The following ELP3 variants were observed in gnomAD, a reference collection of about 807,000 sequenced individuals.
ELP3 encodes the protein elongator complex protein 3.
ELP3 carries 56 observed loss-of-function variants against 74.9 expected under a neutral mutation model. The observed-to-expected ratio is 0.75, with a 90% CI of 0.60 to 0.93. ELP3 has a LOEUF of 0.93. Ranked by LOEUF, ELP3 falls within the 40% of genes least tolerant of loss-of-function variation. The pLI, the probability that ELP3 is intolerant of heterozygous loss-of-function variation, is 0.00. For missense variants in ELP3, 573 were observed against 686.5 expected, an observed-to-expected ratio of 0.83 and a Z score of 1.85; for synonymous variants, 222 against 239.8, an observed-to-expected ratio of 0.93 and a Z score of 0.68.
At chr8:28,165,443 T>G (rs887602895) in intron 14 of ELP3, among the ~76,000 whole-genome samples, 8 of 152,218 alleles carry the variant, frequency 5.3e-5, no homozygotes, top group Non-Finnish European at 1.2e-4. Context: ...TGATACTGTT[T>G]GACCTAAGTG....
At chr8:28,105,515 G>A (rs1811653897) in intron 3 of ELP3, among the ~76,000 whole-genome samples, 1 of 152,220 alleles carries the variant, frequency 6.6e-6, no homozygotes, top group Non-Finnish European at 1.5e-5. Flanking sequence ...TAGATACTAA[G>A]ACCTGGGTCC....
chr8:28,181,028 T>C (rs1315258310), intron 14 of ELP3, among the ~76,000 whole-genome samples: 4 of 152,152 alleles, frequency 2.6e-5, no homozygotes, highest in African/African-American at 9.7e-5. Context: ...ACGCCCCCAG[T>C]ATCTCACGTG....
chr8:28,149,368 C>CTTATTCA (rs1430759313), intron 10 of ELP3, among the ~76,000 whole-genome samples: 1 of 152,192 alleles, frequency 6.6e-6, no homozygotes, highest in Non-Finnish European at 1.5e-5. Flanking sequence ...GTGATAGAGT[C>CTTATTCA]TTATTCAGAT....
At chr8:28,107,127 A>G (rs780755636) in intron 4 of ELP3, among the ~76,000 whole-genome samples, 9 of 152,198 alleles carry the variant, frequency 5.9e-5, no homozygotes, top group Non-Finnish European at 1.2e-4. Flanking sequence ...ATGCGCTTCT[A>G]GTCCCAGCTA....
At chr8:28,145,522 G>A (rs1418064900) in intron 10 of ELP3, among the ~76,000 whole-genome samples, 1 of 152,208 alleles carries the variant, frequency 6.6e-6, no homozygotes, top group Non-Finnish European at 1.5e-5. Context: ...AATCTGCATA[G>A]CCTCCATGGA....
chr8:28,129,731 C>T, intron 8 of ELP3, 68 bp downstream of exon 8: 1 of 1,578,514 alleles, frequency 6.3e-7, no homozygotes, highest in Non-Finnish European at 8.7e-7. Flanking sequence ...ACATTCATAC[C>T]CAGCCTTTCT....
chr8:28,117,003 A>G (rs1205129010), intron 7 of ELP3, among the ~76,000 whole-genome samples: 8 of 152,168 alleles, frequency 5.3e-5, no homozygotes, highest in Admixed American at 4.6e-4. Context: ...ATTCCCTGGC[A>G]GGGACATCTA....
intron 10 of ELP3, among the ~76,000 whole-genome samples, chr8:28,150,542 T>A (rs1473849885): frequency 1.3e-5 from 2 of 152,158 alleles, no homozygotes; most frequent in Non-Finnish European, 2.9e-5. Context: ...TTCACTGTAC[T>A]CTCTTCTTGC....
chr8:28,142,843 C>G (rs973229990), intron 10 of ELP3, among the ~76,000 whole-genome samples: 7 of 152,152 alleles, frequency 4.6e-5, no homozygotes, highest in Non-Finnish European at 1.0e-4. Context: ...TTTGTTGTCA[C>G]ACACGTTTCT....
chr8:28,135,635 C>G (rs915320272), intron 9 of ELP3, among the ~76,000 whole-genome samples: 1 of 152,130 alleles, frequency 6.6e-6, no homozygotes, highest in African/African-American at 2.4e-5. Context: ...TCTGCCTGTT[C>G]GGGAAAGGCT....
At chr8:28,107,835 G>A in intron 4 of ELP3, 78 bp from the exon 5 acceptor site, 1 of 1,094,196 alleles carries the variant, frequency 9.1e-7, no homozygotes, top group East Asian at 2.4e-5. Context: ...GGATTCTTTG[G>A]AGATGGTAGA....
chr8:28,160,204 T>C, intron 12 of ELP3, 25 bp from the exon 13 acceptor site: 1 of 1,591,236 alleles, frequency 6.3e-7, no homozygotes. Flanking sequence ...TTGAATAATA[T>C]TTTTTGTGGC....
At chr8:28,134,018 A>G (rs1451260745) in intron 9 of ELP3, among the ~76,000 whole-genome samples, 2 of 152,164 alleles carry the variant, frequency 1.3e-5, no homozygotes, top group Admixed American at 6.5e-5. Flanking sequence ...GGTTTGTTAC[A>G]TAGGTATACA....
intron 7 of ELP3, among the ~76,000 whole-genome samples, chr8:28,119,570 TTTTATATATA>T (rs1812273230): frequency 1.1e-5 from 1 of 92,108 alleles, no homozygotes; most frequent in Non-Finnish European, 2.1e-5. Flanking sequence ...ACTTGTGGCG[TTTTATATATA>T]TATATATATA....
At chr8:28,110,317 A>G in intron 5 of ELP3, 53 bp from the exon 6 acceptor site, 5 of 1,485,312 alleles carry the variant, frequency 3.4e-6, no homozygotes, top group Non-Finnish European at 4.7e-6. Context: ...TCCTTTTGAA[A>G]CTACTTTTTA....
rs547155354 is a variant in ELP3, at chr8:28,151,323, C to T, written c.1101-4619C>T. On this transcript the variant is annotated intron_variant, in intron 10 of 14. Transcript: ENST00000256398. ...CTTCAGATTTCCATCTTTCTGCTTA[C>T]ATTCCCCTCTGTCCTTAAATTCTAG... is the stretch of plus-strand genomic sequence containing the variant. Among the ~76,000 whole-genome samples, 59 of 152,222 alleles carry T rather than the reference C, an allele frequency of 3.9e-4. 1 individual carries two copies. The highest frequency in any genetic ancestry group is 8.1e-4 in the Non-Finnish European group (55 of 68,028).
At position 28,147,731 on chromosome 8, in the gene ELP3, G is replaced by A. The variant is rs1813486415; in HGVS notation, c.1101-8211G>A. ...GACACCCAGCAGTAATAAACACAGT[G>A]AGTTCCAAGATTATAGTTTCTAAAG... is the stretch of plus-strand genomic sequence containing the variant. On this transcript the variant is annotated intron_variant, in intron 10 of 14. Coordinates refer to ENST00000256398, the MANE Select transcript of ELP3 (RefSeq NM_018091.6). The surrounding 1 kb of genome is among the most constrained non-coding windows in gnomAD (Gnocchi z 4.5). Among the ~76,000 whole-genome samples, 1 of 152,134 alleles carries A rather than the reference G, an allele frequency of 6.6e-6. No individual in the cohort carries two copies.
At chr8:28,131,760 A>T (rs1812794536) in intron 8 of ELP3, among the ~76,000 whole-genome samples, 1 of 152,120 alleles carries the variant, frequency 6.6e-6, no homozygotes, top group South Asian at 2.1e-4. Flanking sequence ...TTATTTAAGG[A>T]TCCTCCAAAC....
chr8:28,121,321 A>ATTTTTT, intron 7 of ELP3, among the ~76,000 whole-genome samples: 1 of 141,290 alleles, frequency 7.1e-6, no homozygotes, highest in East Asian at 2.1e-4. Context: ...TATTATTATT[A>ATTTTTT]TTATTTTTTT....
Sources: gnomAD v4.1 joint callset for allele counts (sites outside exome capture counted in the v4.1 genomes callset) on GRCh38, gnomAD v4.1.1 for gene constraint, Gnocchi (gnomAD v3.1) non-coding constraint, MANE v1.5 for transcripts, NCBI Gene and HGNC (gene_info 2026-07-23, HGNC 2026-07-21) for gene names.